CACNA1I: variants seen among roughly 807,000 people sequenced by gnomAD.
The protein encoded by CACNA1I is voltage-dependent T-type calcium channel subunit alpha-1I.
CACNA1I carries 74 observed loss-of-function variants against 201.6 expected under a neutral mutation model. That is an observed-to-expected ratio of 0.37 (90% CI 0.30 to 0.45). CACNA1I has a LOEUF of 0.45. Ranked by LOEUF, CACNA1I falls within the 20% of genes least tolerant of loss-of-function variation. CACNA1I has a pLI of 1.00. For synonymous variants in CACNA1I, 1,431 were observed against 1,345.2 expected, an observed-to-expected ratio of 1.06 and a Z score of -1.40; for missense variants, 2,346 against 3,138.1, an observed-to-expected ratio of 0.75 and a Z score of 6.03.
chr22:39,634,496 G>C, intron 4 of CACNA1I, 69 bp from the exon 5 acceptor site: 1 of 1,481,824 alleles, frequency 6.7e-7, no homozygotes, highest in Non-Finnish European at 9.4e-7. Context: ...CTCTAACCTT[G>C]CTCTCACTCT....
intron 1 of CACNA1I, among the ~76,000 whole-genome samples, chr22:39,588,415 TCACTCTGTCGC>T: frequency 6.8e-6 from 1 of 146,552 alleles, no homozygotes; most frequent in Non-Finnish European, 1.5e-5. Flanking sequence ...AGGCAGAGTC[TCACTCTGTCGC>T]CCAGGCTGGA....
At position 39,646,875 on chromosome 22, in the gene CACNA1I, C is replaced by A; in HGVS notation, c.1456C>A (p.His486Asn). ...TGGGCCCCACGCCAAGGAGCCCCGGCACTACCGTAAGTGGCCCTGCATCCG... is the reference window on the plus strand; with the variant it reads ...TGGGCCCCACGCCAAGGAGCCCCGGAACTACCGTAAGTGGCCCTGCATCCG... Reference protein sequence around the residue: ...KPGPHAKEPRHYHGKTKGQGD... With the variant: ...KPGPHAKEPRNYHGKTKGQGD... The change falls in exon 8 of 37, where the codon CAC (histidine) becomes AAC (asparagine). Residue 486 changes from histidine to asparagine, a missense_variant. His to Asn is a moderately conservative substitution (Grantham distance 68). Coordinates refer to ENST00000402142, the MANE Select transcript of CACNA1I (RefSeq NM_021096.4). 1 of 1,500,824 alleles carries A rather than the reference C, an allele frequency of 6.7e-7. No individual in the cohort carries two copies. The highest frequency in any genetic ancestry group is 8.9e-7 in the Non-Finnish European group (1 of 1,128,020). The allele number at this position is 1,500,824 out of a possible 1,614,324, so 93.0% of individuals were successfully genotyped here.
intron 1 of CACNA1I, 189 bp downstream of exon 1, chr22:39,571,177 G>C (rs913320903): frequency 1.6e-6 from 1 of 612,764 alleles, no homozygotes. Context: ...ATGAGGACCT[G>C]GTGTTCTGCT....
At chr22:39,645,961 G>C (rs995693848) in intron 7 of CACNA1I, among the ~76,000 whole-genome samples, 10 of 152,230 alleles carry the variant, frequency 6.6e-5, no homozygotes, top group African/African-American at 2.2e-4. Flanking sequence ...TGGTCAGAGA[G>C]AAGGCAGGGC....
intron 15 of CACNA1I, 87 bp from the exon 16 acceptor site, chr22:39,661,021 C>CT: frequency 9.1e-7 from 1 of 1,093,176 alleles, no homozygotes; most frequent in East Asian, 2.5e-5. Flanking sequence ...CTGCTCCTTC[C>CT]TTGTTTGTCT....
rs1322644657 is a variant in CACNA1I, at chr22:39,673,329, A to G, written c.4783+247A>G. Among the ~76,000 whole-genome samples, 5 of 152,104 alleles carry G rather than the reference A, an allele frequency of 3.3e-5. No individual in the cohort carries two copies. In the South Asian group the frequency reaches 8.3e-4, roughly 25 times the overall value. On this transcript the variant is annotated intron_variant, in intron 28 of 36. Transcript: ENST00000402142. ...AGGCAACTTTGCATAGCACACATGG[A>G]CACACACTCCCACTTCCTTATGACG... is the stretch of plus-strand genomic sequence containing the variant.
chr22:39,649,618 G>A lies in CACNA1I; in HGVS notation c.1685G>A (p.Arg562Gln), dbSNP rs772620772. ...SCPCCQHEDG[R>Q]RPSGLGSTDS... ...CCTTGCTGCCAGCATGAGGACGGCC[G>A]GCGGCCCTCGGGCCTGGGCAGCACC... The change falls in exon 10 of 37, where the codon CGG (arginine) becomes CAG (glutamine). Residue 562 changes from arginine to glutamine, a missense_variant. Physicochemically the swap from Arg to Gln is conservative, Grantham distance 43 (BLOSUM62 1). This residue lies in a region of CACNA1I where 312 missense variants were observed against 331.5 expected (regional missense o/e 0.94). Transcript: ENST00000402142. The surrounding 1 kb of genome is among the most constrained non-coding windows in gnomAD (Gnocchi z 7.3). 1.0e-5 allele frequency: 16 copies of A among 1,533,198 alleles called. No individual in the cohort carries two copies. Among genetic ancestry groups the A allele is most frequent in the East Asian group, 4.9e-5 (2 of 40,798 alleles). 95.0% of individuals were successfully genotyped at this position (1,533,198 alleles called of 1,614,324 possible).
At position 39,659,389 on chromosome 22, in the gene CACNA1I, T is replaced by G; in HGVS notation, c.2331-44T>G. 7.8e-7 allele frequency: 1 copy of G among 1,283,234 alleles called. No individual in the cohort carries two copies. Among genetic ancestry groups the G allele is most frequent in the Non-Finnish European group, 1.1e-6 (1 of 902,532 alleles). The allele number at this position is 1,283,234 out of a possible 1,614,324, so 79.5% of individuals were successfully genotyped here. On this transcript the variant is annotated intron_variant, in intron 12 of 36. Coordinates refer to ENST00000402142, the MANE Select transcript of CACNA1I (RefSeq NM_021096.4). This position sits in a 1 kb window ranked among gnomAD's most constrained non-coding sequence, Gnocchi z 4.3. ...GAATGAAACAAGGTGAGTAGGCAGT[T>G]TGGTGCATGTGAGTCCGATGAGCCT...
chr22:39,572,483 C>T (rs913663978), intron 1 of CACNA1I, among the ~76,000 whole-genome samples: 6 of 151,966 alleles, frequency 3.9e-5, no homozygotes, highest in Non-Finnish European at 5.9e-5. Flanking sequence ...CTGAGGTGAT[C>T]GTGGGCCCTG....
chr22:39,677,553 G>T lies in CACNA1I; in HGVS notation c.4933+134G>T. The stretch of plus-strand genomic sequence containing the variant: ...TGTATTGGGGAGATGCCTACAGCAG[G>T]GCCCTCAGCTGTCTGGTCTCCCAGG... On this transcript the variant is annotated intron_variant, in intron 30 of 36. Coordinates refer to ENST00000402142, the MANE Select transcript of CACNA1I (RefSeq NM_021096.4). The surrounding 1 kb of genome is among the most constrained non-coding windows in gnomAD (Gnocchi z 4.8). The T allele has an allele frequency of 1.5e-6, 1 of 651,944 alleles. No individual in the cohort carries two copies. 40.4% of individuals were successfully genotyped at this position (651,944 alleles called of 1,614,324 possible).
At chr22:39,601,178 T>C (rs1933019022) in intron 3 of CACNA1I, among the ~76,000 whole-genome samples, 1 of 152,202 alleles carries the variant, frequency 6.6e-6, no homozygotes, top group Admixed American at 6.5e-5. Context: ...CCTGCTTTCC[T>C]GGGTCAAACC....
chr22:39,662,068 A>C lies in CACNA1I; in HGVS notation c.3005A>C (p.Glu1002Ala). The change falls in exon 17 of 37, where the codon GAG becomes GCG. Residue 1002 changes from glutamate to alanine, a missense_variant. Around this residue, in one of 13 missense-constraint regions of CACNA1I, gnomAD observed 288 missense variants for 255.2 expected, o/e 1.13. Transcript: ENST00000402142. ...CTCAAGCACAAGCCGCCGTCGGCGG[A>C]GCATGAGTCCCTGCTCTCTGCGGAG... is the stretch of plus-strand genomic sequence containing the variant. ...NSLKHKPPSAEHESLLSAERG... is the reference protein window; with the variant it reads ...NSLKHKPPSAAHESLLSAERG... The C allele has an allele frequency of 1.3e-6, 2 of 1,550,784 alleles. No individual in the cohort carries two copies. Among genetic ancestry groups the C allele is most frequent in the Non-Finnish European group, 1.7e-6 (2 of 1,152,374 alleles).
Position 39,658,153 on chromosome 22 carries a change from C to G in CACNA1I, c.1994C>G (p.Pro665Arg). ...ATTCCCCACCCCAATGCCCCACAGC[C>G]GGAGGAGCTGACCAACATCCTGGAG... ...VSMGIEHHEQ[P>R]EELTNILEIC... is the part of the protein sequence containing the mutation. Residue 665 changes from proline to arginine, a missense_variant and splice_region_variant, in exon 11 of 37, where the codon CCG (proline) becomes CGG (arginine). Transcript: ENST00000402142. 6.2e-7 allele frequency: 1 copy of G among 1,613,810 alleles called. No individual in the cohort carries two copies. Among genetic ancestry groups the G allele is most frequent in the African/African-American group, 1.3e-5 (1 of 75,036 alleles).
chr22:39,638,968 C>A (rs906692034), intron 5 of CACNA1I, among the ~76,000 whole-genome samples: 3 of 152,216 alleles, frequency 2.0e-5, no homozygotes, highest in African/African-American at 4.8e-5. Flanking sequence ...GGAGCTCAGG[C>A]AGTAATGCTC....
chr22:39,680,140 G>C (rs957264996), intron 33 of CACNA1I, among the ~76,000 whole-genome samples: 11 of 152,222 alleles, frequency 7.2e-5, no homozygotes, highest in Admixed American at 2.6e-4. Flanking sequence ...GTGTGCTGCA[G>C]GTGCCAGGCA....
chr22:39,598,353 C>A (rs1301791658), intron 2 of CACNA1I, 91 bp downstream of exon 2: 1 of 666,698 alleles, frequency 1.5e-6, no homozygotes, highest in Non-Finnish European at 2.7e-6. Flanking sequence ...GCCCCATGTC[C>A]TGGCCTTGCC....
chr22:39,633,253 T>C (rs2146410795), intron 4 of CACNA1I, among the ~76,000 whole-genome samples: 1 of 152,306 alleles, frequency 6.6e-6, no homozygotes, highest in South Asian at 2.1e-4. Context: ...TGCTGGGTTC[T>C]GGGAATACTG....
In CACNA1I at chr22:39,634,623, G is replaced by T; in HGVS notation, c.639G>T (p.Leu213=). ...CACTGCCCATGCTGGGGAATGTCCT[G>T]CTGCTCTGCTTCTTTGTCTTCTTCA... ...LDTLPMLGNV[L]LLCFFVFFIF... is the part of the protein sequence containing the mutation. The change falls in exon 5 of 37, where the codon CTG becomes CTT. Residue 213 remains leucine (L), a synonymous_variant. Transcript: ENST00000402142. The T allele has an allele frequency of 6.2e-7, 1 of 1,613,962 alleles. No individual in the cohort carries two copies. The highest frequency in any genetic ancestry group is 8.5e-7 in the Non-Finnish European group (1 of 1,179,880).
intron 1 of CACNA1I, among the ~76,000 whole-genome samples, chr22:39,573,520 G>C (rs1042375818): frequency 2.0e-5 from 3 of 151,994 alleles, no homozygotes; most frequent in Non-Finnish European, 4.4e-5. Context: ...TCCTCTCTCT[G>C]AGCCTCAGCA....
Sources: gnomAD v4.1 joint callset for allele counts (sites outside exome capture counted in the v4.1 genomes callset) on GRCh38, gnomAD v4.1.1 for gene constraint, gnomAD v4.1.1 regional missense constraint, Gnocchi (gnomAD v3.1) non-coding constraint, MANE v1.5 for transcripts, NCBI Gene and HGNC (gene_info 2026-07-23, HGNC 2026-07-21) for gene names.